Variants in FANCC observed in about 807,000 individuals in gnomAD.
The protein encoded by FANCC is Fanconi anemia group C protein.
In FANCC, 55 loss-of-function variants were observed where a neutral mutation model predicts 71.3. The observed-to-expected ratio is 0.77, with a 90% CI of 0.62 to 0.97. FANCC has a LOEUF of 0.97. Among genes scored for constraint, FANCC ranks in the 50% least tolerant of loss-of-function variants. The pLI is 0.00. For synonymous variants in FANCC, 275 were observed against 244.9 expected (o/e 1.12, Z -1.15); for missense variants, 678 against 670.9 (o/e 1.01, Z -0.12).
chr9:95,126,797 C>T lies in FANCC; in HGVS notation c.844-216G>A, dbSNP rs1197671011. On this transcript the variant is annotated intron_variant, in intron 8 of 14. Transcript: ENST00000289081. ...GGCAGGGGTTACAGGCAGCTTATTC[C>T]TCTGTATACTCCTGTATGTCCCACA... 11 of 558,532 alleles carry T rather than the reference C, an allele frequency of 2.0e-5. No homozygotes were observed. In the East Asian group the frequency reaches 3.5e-4, roughly 18 times the overall value. The allele number at this position is 558,532 out of a possible 1,614,324, so 34.6% of individuals were successfully genotyped here. A position where few individuals can be genotyped will look rare whatever the true frequency, so the allele number is the denominator to read the frequency against.
rs1834157693 is a variant in FANCC at position 95,293,107 on chromosome 9, G to C, written c.-79+24419C>G. 1.1e-5 allele frequency: 18 copies of C among 1,612,846 alleles called. 1 individual carries two copies. In the Admixed American group the frequency reaches 2.8e-4, roughly 25 times the overall value. ...ACCAATCCCTAGACCAGACACCCAA[G>C]AACTAGAAGCTTCAGAAATAAAGCT... On this transcript the variant is annotated intron_variant, in intron 1 of 14. Transcript: ENST00000289081.
chr9:95,157,214 CAA>C (rs1371374303), intron 6 of FANCC, among the ~76,000 whole-genome samples: 1 of 151,882 alleles, frequency 6.6e-6, no homozygotes, highest in African/African-American at 2.4e-5. Context: ...TCCAAAGATT[CAA>C]AAAGTCTCAG....
chr9:95,170,840 G>C (rs1216522011), intron 6 of FANCC, among the ~76,000 whole-genome samples: 1 of 151,838 alleles, frequency 6.6e-6, no homozygotes, highest in African/African-American at 2.4e-5. Flanking sequence ...CTACCTAATG[G>C]GCCCACAAAA....
chr9:95,260,159 A>C (rs992730802), intron 1 of FANCC, among the ~76,000 whole-genome samples: 2 of 152,220 alleles, frequency 1.3e-5, no homozygotes, highest in Non-Finnish European at 2.9e-5. Flanking sequence ...TAGAACCAGA[A>C]ATACCATTTG....
chr9:95,166,926 T>C (rs1327149313), intron 6 of FANCC, among the ~76,000 whole-genome samples: 1 of 152,138 alleles, frequency 6.6e-6, no homozygotes, highest in Non-Finnish European at 1.5e-5. Flanking sequence ...GCTTTCATGT[T>C]GCTAATATTC....
chr9:95,301,414 G>GT (rs1346303539), intron 1 of FANCC, among the ~76,000 whole-genome samples: 1 of 151,914 alleles, frequency 6.6e-6, no homozygotes, highest in Non-Finnish European at 1.5e-5. Context: ...ATTTGTTGGG[G>GT]TTTTTTGTTT....
intron 1 of FANCC, among the ~76,000 whole-genome samples, chr9:95,255,539 G>A (rs952156060): frequency 4.6e-5 from 7 of 152,116 alleles, no homozygotes; most frequent in East Asian, 3.9e-4. Context: ...AACCCCATCC[G>A]AAGGTCACTA....
intron 3 of FANCC, among the ~76,000 whole-genome samples, chr9:95,242,718 C>T (rs1320278054): frequency 6.6e-6 from 1 of 152,024 alleles, no homozygotes; most frequent in African/African-American, 2.4e-5. Context: ...CTTTCTGTGC[C>T]CAGAGTCAAT....
chr9:95,126,832 A>G, intron 8 of FANCC: 1 of 477,574 alleles, frequency 2.1e-6, no homozygotes. Flanking sequence ...ATTTTCTATA[A>G]AAGCTCAGGC....
chr9:95,122,778 C>A (rs746054432), intron 10 of FANCC, among the ~76,000 whole-genome samples: 3 of 152,148 alleles, frequency 2.0e-5, no homozygotes, highest in Non-Finnish European at 4.4e-5. Context: ...GTGTGCTCCG[C>A]GAGGCCACAG....
chr9:95,283,436 G>A (rs1469213381), intron 1 of FANCC, among the ~76,000 whole-genome samples: 2 of 152,194 alleles, frequency 1.3e-5, no homozygotes, highest in African/African-American at 4.8e-5. Flanking sequence ...CTTCAAGATG[G>A]CGCACAGGAC....
At chr9:95,130,297 T>TGA (rs1465717064) in intron 8 of FANCC, among the ~76,000 whole-genome samples, 21 of 147,592 alleles carry the variant, frequency 1.4e-4, no homozygotes, top group Admixed American at 2.7e-4. Flanking sequence ...TGTGTGTGTG[T>TGA]GTGAGAGAGA....
intron 7 of FANCC, among the ~76,000 whole-genome samples, chr9:95,143,510 G>C (rs1396032279): frequency 8.5e-5 from 13 of 152,170 alleles, no homozygotes; most frequent in African/African-American, 2.7e-4. Flanking sequence ...AATAATAAAA[G>C]ATGCTCTTCT....
chr9:95,292,759 C>T (rs1210329139), intron 1 of FANCC: 2 of 1,452,182 alleles, frequency 1.4e-6, no homozygotes, highest in African/African-American at 1.4e-5. Context: ...CCCAGAGGCC[C>T]TGACAGACCA....
chr9:95,302,149 C>G (rs187172), intron 1 of FANCC, among the ~76,000 whole-genome samples: 25,716 of 151,400 alleles, frequency 0.17, 2,290 homozygotes, highest in Middle Eastern at 0.25. Context: ...AGTTTTTACC[C>G]TGAATTAAAC....
At chr9:95,243,922 A>G (rs984389428) in intron 3 of FANCC, among the ~76,000 whole-genome samples, 1 of 152,262 alleles carries the variant, frequency 6.6e-6, no homozygotes, top group African/African-American at 2.4e-5. Context: ...CATGCCATTC[A>G]GCCACCTCTG....
At chr9:95,196,902 T>C (rs1012633163) in intron 4 of FANCC, among the ~76,000 whole-genome samples, 1 of 152,222 alleles carries the variant, frequency 6.6e-6, no homozygotes, top group Non-Finnish European at 1.5e-5. Flanking sequence ...CAGACACCCC[T>C]AGTCCTAAAC....
intron 3 of FANCC, among the ~76,000 whole-genome samples, chr9:95,246,371 C>T (rs550581198): frequency 1.4e-4 from 22 of 152,284 alleles, no homozygotes; most frequent in African/African-American, 5.3e-4. Flanking sequence ...CACGTCTCTT[C>T]CAATAATGAT....
intron 4 of FANCC, among the ~76,000 whole-genome samples, chr9:95,184,272 A>C (rs1036621960): frequency 6.6e-6 from 1 of 152,054 alleles, no homozygotes; most frequent in Non-Finnish European, 1.5e-5. Flanking sequence ...AAACTGACTA[A>C]ATTACCTGCA....
Sources: allele counts gnomAD v4.1 joint callset (sites outside exome capture counted in the v4.1 genomes callset), GRCh38; gene constraint gnomAD v4.1.1; transcripts MANE v1.5; gene names NCBI Gene and HGNC (gene_info 2026-07-23, HGNC 2026-07-21).